The following SCHIP1 variants were observed in gnomAD, a reference collection of about 807,000 sequenced individuals.
SCHIP1 encodes schwannomin-interacting protein 1.
A neutral mutation model predicts 29.7 loss-of-function variants in SCHIP1; 8 were observed. That is an observed-to-expected ratio of 0.27 (90% CI 0.16 to 0.49). SCHIP1 has a LOEUF of 0.49. SCHIP1 is among the 20% of genes least tolerant of loss of function. SCHIP1 has a pLI of 0.99. For missense variants in SCHIP1, 193 were observed against 294.6 expected, an observed-to-expected ratio of 0.66 and a Z score of 2.52; for synonymous variants, 76 against 94.9, an observed-to-expected ratio of 0.80 and a Z score of 1.16.
the SCHIP1 span, among the ~76,000 whole-genome samples, chr3:159,815,970 A>G: frequency 2.9e-5 from 1 of 34,380 alleles, no homozygotes; most frequent in Non-Finnish European, 5.3e-5. Flanking sequence ...TTTATTTGAG[A>G]CAGCATCTCT....
chr3:159,734,743 T>C, the SCHIP1 span, among the ~76,000 whole-genome samples: 3 of 151,508 alleles, frequency 2.0e-5, no homozygotes, highest in Non-Finnish European at 2.9e-5. Flanking sequence ...ACCCCAGAAC[T>C]CGGCATAGGC....
chr3:159,507,704 T>C, the SCHIP1 span, among the ~76,000 whole-genome samples: 1 of 152,220 alleles, frequency 6.6e-6, no homozygotes, highest in African/African-American at 2.4e-5. Flanking sequence ...CAAAGGCCTT[T>C]TCTGCATCTA....
chr3:159,419,497 A>G, the SCHIP1 span, among the ~76,000 whole-genome samples: 1 of 152,156 alleles, frequency 6.6e-6, no homozygotes, highest in Non-Finnish European at 1.5e-5. Flanking sequence ...ATCTCTGGAA[A>G]TAGTCTGTGG....
At chr3:159,333,212 A>G in the SCHIP1 span, among the ~76,000 whole-genome samples, 2 of 152,248 alleles carry the variant, frequency 1.3e-5, no homozygotes, top group African/African-American at 2.4e-5. Context: ...AGTTGTTTAT[A>G]AATTCAAAGT....
the SCHIP1 span, among the ~76,000 whole-genome samples, chr3:159,645,275 G>C: frequency 3.3e-5 from 5 of 152,050 alleles, no homozygotes; most frequent in African/African-American, 1.2e-4. Flanking sequence ...TTGACCCTCT[G>C]ATCAGGCTTA....
At chr3:159,791,745 G>T in the SCHIP1 span, among the ~76,000 whole-genome samples, 1 of 152,182 alleles carries the variant, frequency 6.6e-6, no homozygotes, top group South Asian at 2.1e-4. Context: ...TTTATTATCA[G>T]TTGTATTCAC....
At chr3:159,651,973 G>A in the SCHIP1 span, among the ~76,000 whole-genome samples, 1 of 152,126 alleles carries the variant, frequency 6.6e-6, no homozygotes, top group Non-Finnish European at 1.5e-5. Context: ...GCACGTGCCT[G>A]TAGTCCCTGC....
the SCHIP1 span, among the ~76,000 whole-genome samples, chr3:159,829,161 A>G: frequency 3.3e-5 from 5 of 152,154 alleles, no homozygotes; most frequent in South Asian, 2.1e-4. Context: ...ATAAAATACT[A>G]TGGGAAAAAT....
chr3:159,535,239 C>T, the SCHIP1 span, among the ~76,000 whole-genome samples: 1 of 152,150 alleles, frequency 6.6e-6, no homozygotes, highest in Non-Finnish European at 1.5e-5. Flanking sequence ...TATCCAATGA[C>T]TCTTGGTGAT....
the SCHIP1 span, among the ~76,000 whole-genome samples, chr3:159,553,967 C>CGTGTGTGTGTGTGTGTGT: frequency 6.9e-5 from 8 of 115,726 alleles, no homozygotes; most frequent in East Asian, 2.6e-4. Flanking sequence ...CGCCCAGCTA[C>CGTGTGTGTGTGTGTGTGT]GTGTGTGTGT....
chr3:159,658,562 G>A, the SCHIP1 span, among the ~76,000 whole-genome samples: 1 of 152,082 alleles, frequency 6.6e-6, no homozygotes, highest in African/African-American at 2.4e-5. Context: ...CAATCCTGTA[G>A]GTTGGACTGT....
the SCHIP1 span, among the ~76,000 whole-genome samples, chr3:159,316,642 C>T: frequency 1.3e-5 from 2 of 152,132 alleles, no homozygotes; most frequent in Admixed American, 6.5e-5. Flanking sequence ...ACATAATCTT[C>T]AAATAAAGAT....
chr3:159,828,600 T>C, the SCHIP1 span, among the ~76,000 whole-genome samples: 1 of 151,592 alleles, frequency 6.6e-6, no homozygotes, highest in Non-Finnish European at 1.5e-5. Flanking sequence ...CATAATACTA[T>C]CCCAAACAGA....
chr3:159,581,070 A>G, the SCHIP1 span, among the ~76,000 whole-genome samples: 1 of 152,192 alleles, frequency 6.6e-6, no homozygotes, highest in African/African-American at 2.4e-5. Flanking sequence ...TTGGAAAATA[A>G]ACAGTGTTGA....
chr3:159,543,602 T>G, the SCHIP1 span, among the ~76,000 whole-genome samples: 1 of 151,906 alleles, frequency 6.6e-6, no homozygotes, highest in African/African-American at 2.4e-5. Flanking sequence ...CACATTTTCT[T>G]AATCCAGTCT....
intron 6 of SCHIP1, chr3:159,893,706 G>C: frequency 6.6e-6 from 1 of 152,116 alleles, no homozygotes; most frequent in South Asian, 2.1e-4. Context: ...TGTGACCATC[G>C]GAAACAGGGC....
chr3:159,647,353 C>T, the SCHIP1 span, among the ~76,000 whole-genome samples: 19 of 151,974 alleles, frequency 1.3e-4, no homozygotes, highest in African/African-American at 3.9e-4. Flanking sequence ...GAGGGTTGAA[C>T]GGGGAATGAG....
chr3:159,626,165 G>GATATATAT, the SCHIP1 span, among the ~76,000 whole-genome samples: 1 of 97,272 alleles, frequency 1.0e-5, no homozygotes, highest in Non-Finnish European at 1.7e-5. Flanking sequence ...TATATATCTA[G>GATATATAT]ATATATCTAT....
chr3:159,325,801 A>C, the SCHIP1 span, among the ~76,000 whole-genome samples: 1 of 151,984 alleles, frequency 6.6e-6, no homozygotes, highest in South Asian at 2.1e-4. Flanking sequence ...TTTACTATTT[A>C]TATTTTTTTC....
Sources: gnomAD v4.1 joint callset for allele counts (sites outside exome capture counted in the v4.1 genomes callset) on GRCh38, gnomAD v4.1.1 for gene constraint, MANE v1.5 for transcripts, NCBI Gene and HGNC (gene_info 2026-07-23, HGNC 2026-07-21) for gene names.